FBLN5: variants seen among roughly 807,000 people sequenced by gnomAD.
The protein encoded by FBLN5 is fibulin-5.
A neutral mutation model predicts 61.6 loss-of-function variants in FBLN5; 24 were observed. The ratio of observed to expected loss-of-function variants is 0.39; its 90% CI spans 0.28 to 0.55. The LOEUF (loss-of-function observed/expected upper bound fraction) is 0.55, where lower values mean the gene tolerates loss of function less well. Ranked by LOEUF, FBLN5 falls within the 20% of genes least tolerant of loss-of-function variation. The pLI, the probability that FBLN5 is intolerant of heterozygous loss-of-function variation, is 0.65. For missense variants in FBLN5, 470 were observed against 594.1 expected, an observed-to-expected ratio of 0.79 and a Z score of 2.17; for synonymous variants, 213 against 219.8, an observed-to-expected ratio of 0.97 and a Z score of 0.27.
At chr14:91,880,155 CTCCAGCACCTCAATACTCAACTG>C (rs1474898309) in intron 9 of FBLN5, among the ~76,000 whole-genome samples, 11 of 152,204 alleles carry the variant, frequency 7.2e-5, no homozygotes, top group Non-Finnish European at 8.8e-5. Flanking sequence ...CGAGAGAACT[CTCCAGCACCTCAATACTCAACTG>C]TCCAGCACCT....
At chr14:91,940,423 G>A in intron 3 of FBLN5, 142 bp downstream of exon 3, 1 of 743,732 alleles carries the variant, frequency 1.3e-6, no homozygotes. Context: ...TCAATAAAAG[G>A]GCACCACTGA....
In FBLN5 at chr14:91,880,526, C is replaced by CGTGTGTGT. The variant is rs140201135; in HGVS notation, c.989+758_989+765dup. Among the ~76,000 whole-genome samples the CGTGTGTGT allele has an allele frequency of 1.3e-3, 187 of 147,554 alleles. 1 individual carries two copies. The highest frequency in any genetic ancestry group is 2.5e-3 in the African/African-American group (98 of 39,824). On this transcript the variant is annotated intron_variant, in intron 9 of 10. Transcript: ENST00000342058. ...AGAGAACTCTGTGGGAGTGTGCGTG[C>CGTGTGTGT]GTGTGTGTGTGTGTGTGTGTGTGTG...
At chr14:91,927,780 T>C (rs1026346223) in intron 4 of FBLN5, among the ~76,000 whole-genome samples, 2 of 152,216 alleles carry the variant, frequency 1.3e-5, no homozygotes, top group Non-Finnish European at 2.9e-5. Context: ...AGCTGAATGG[T>C]CCTGCCATTA....
Position 91,882,984 on chromosome 14 carries a change from T to A in FBLN5, c.832A>T (p.Ile278Phe), listed in dbSNP as rs763570306. The A allele has an allele frequency of 6.2e-7, 1 of 1,614,120 alleles. No individual in the cohort carries two copies. Residue 278 changes from isoleucine (I) to phenylalanine (F), a missense_variant, in exon 8 of 11, where the codon ATC becomes TTC. By Grantham distance (21) the Ile-to-Phe change is conservative (BLOSUM62 0). Coordinates refer to ENST00000342058, the MANE Select transcript of FBLN5 (RefSeq NM_006329.4). The surrounding 1 kb of genome is among the most constrained non-coding windows in gnomAD (Gnocchi z 4.9). ...CAGCTTCGGTTGTCATCCAGCAGGA[T>A]GTAGCCTGGAGGGCAGGAGCAGAAG... ...TYFCSCPPGY[I>F]LLDDNRSCQD...
Position 91,877,739 on chromosome 14 carries a change from G to C in FBLN5, c.990-57C>G, listed in dbSNP as rs909543738. 6.2e-5 allele frequency: 85 copies of C among 1,381,484 alleles called. No homozygotes were observed. The African/African-American group carries it at 1.2e-3, about 19-fold the overall frequency. The allele number at this position is 1,381,484 out of a possible 1,614,324, so 85.6% of individuals were successfully genotyped here. On this transcript the variant is annotated intron_variant, in intron 9 of 10. Coordinates refer to ENST00000342058, the MANE Select transcript of FBLN5 (RefSeq NM_006329.4). ...GAAATCCATTCCAGGTGCTGGCTGTGCCTACTTCCTCTCTTAAAACACTGA... is the reference window on the plus strand; with the variant it reads ...GAAATCCATTCCAGGTGCTGGCTGTCCCTACTTCCTCTCTTAAAACACTGA...
chr14:91,929,624 C>A (rs932453596), intron 4 of FBLN5, among the ~76,000 whole-genome samples: 3 of 152,362 alleles, frequency 2.0e-5, no homozygotes, highest in African/African-American at 2.4e-5. Context: ...AAAATCATTT[C>A]TTTCCAGTTT....
At chr14:91,873,595 A>G (rs1265136087) in intron 10 of FBLN5, 1 of 152,424 alleles carries the variant, frequency 6.6e-6, no homozygotes, top group East Asian at 1.9e-4. Context: ...GGGTTCCTCC[A>G]GGGCAGAGAC....
chr14:91,902,149 T>C lies in FBLN5; in HGVS notation c.380-7077A>G, dbSNP rs568818413. On this transcript the variant is annotated intron_variant, in intron 4 of 10. Coordinates refer to ENST00000342058, the MANE Select transcript of FBLN5 (RefSeq NM_006329.4). Reference sequence around the variant, plus strand: ...GCCAAGCCCATTCAACTTTTGCCAGTGTATGGTCCCTGCCACGGGGCCAGG... The same window carrying C: ...GCCAAGCCCATTCAACTTTTGCCAGCGTATGGTCCCTGCCACGGGGCCAGG... Among the ~76,000 whole-genome samples the C allele has an allele frequency of 2.8e-4, 42 of 152,302 alleles. 1 individual carries two copies. The South Asian group carries it at 8.3e-3, about 30-fold the overall frequency.
chr14:91,897,380 G>C (rs909710444), intron 4 of FBLN5, among the ~76,000 whole-genome samples: 9 of 152,202 alleles, frequency 5.9e-5, no homozygotes, highest in African/African-American at 1.9e-4. Flanking sequence ...CTATCGGCTG[G>C]TGCGTATTTA....
intron 3 of FBLN5, among the ~76,000 whole-genome samples, chr14:91,939,664 G>A (rs1335193882): frequency 1.3e-5 from 2 of 152,056 alleles, no homozygotes; most frequent in Non-Finnish European, 2.9e-5. Flanking sequence ...TATTGACCCT[G>A]GACATAAGGT....
intron 4 of FBLN5, among the ~76,000 whole-genome samples, chr14:91,903,123 C>G (rs945581053): frequency 6.6e-6 from 1 of 152,008 alleles, no homozygotes; most frequent in Admixed American, 6.5e-5. Flanking sequence ...AATCAAGCAG[C>G]GATTCTTAAC....
At chr14:91,930,458 C>T (rs540196778) in intron 4 of FBLN5, among the ~76,000 whole-genome samples, 7 of 152,284 alleles carry the variant, frequency 4.6e-5, no homozygotes, top group South Asian at 2.1e-4. Context: ...CACCTCAATG[C>T]GATCCCATTT....
intron 10 of FBLN5, among the ~76,000 whole-genome samples, chr14:91,871,020 A>C (rs1280596534): frequency 1.3e-5 from 2 of 152,118 alleles, no homozygotes; most frequent in African/African-American, 2.4e-5. Context: ...GGGAGGCAGG[A>C]GGAGGGAGGG....
At chr14:91,897,399 C>T (rs1055567655) in intron 4 of FBLN5, among the ~76,000 whole-genome samples, 16 of 152,208 alleles carry the variant, frequency 1.1e-4, no homozygotes, top group African/African-American at 3.6e-4. Flanking sequence ...TACATTTTCC[C>T]AGCAGGGAGT....
At chr14:91,905,440 G>A (rs1204579906) in intron 4 of FBLN5, among the ~76,000 whole-genome samples, 3 of 152,128 alleles carry the variant, frequency 2.0e-5, no homozygotes, top group East Asian at 3.9e-4. Flanking sequence ...AGACACTGAC[G>A]ATGACCTAGG....
chr14:91,905,049 C>T (rs916568275), intron 4 of FBLN5, among the ~76,000 whole-genome samples: 28 of 152,096 alleles, frequency 1.8e-4, no homozygotes, highest in African/African-American at 6.3e-4. Flanking sequence ...TCAAGCTGGC[C>T]GTGAGAATAC....
chr14:91,890,757 T>C (rs1399581454), intron 6 of FBLN5, among the ~76,000 whole-genome samples: 1 of 152,090 alleles, frequency 6.6e-6, no homozygotes, highest in Non-Finnish European at 1.5e-5. Context: ...GAGGGAAAAG[T>C]ATAGCAAGAG....
chr14:91,933,537 G>C (rs947371287), intron 4 of FBLN5, among the ~76,000 whole-genome samples: 1 of 152,032 alleles, frequency 6.6e-6, no homozygotes, highest in African/African-American at 2.4e-5. Context: ...CAAAGTGCTG[G>C]GATTACAGGC....
chr14:91,891,351 T>C lies in FBLN5; in HGVS notation c.503-14A>G. 1 of 1,561,020 alleles carries C rather than the reference T, an allele frequency of 6.4e-7. No individual in the cohort carries two copies. Among genetic ancestry groups the C allele is most frequent in the Non-Finnish European group, 8.8e-7 (1 of 1,131,624 alleles). ...ATTCATCAATGTCTGGAAACAGAAA[T>C]GCAAGCAAAGTGAGACAGGTCTCCT... On this transcript the variant is annotated splice_polypyrimidine_tract_variant and intron_variant, in intron 5 of 10. Transcript: ENST00000342058.
Sources: gnomAD v4.1 joint callset for allele counts (sites outside exome capture counted in the v4.1 genomes callset) on GRCh38, gnomAD v4.1.1 for gene constraint, Gnocchi (gnomAD v3.1) non-coding constraint, MANE v1.5 for transcripts, NCBI Gene and HGNC (gene_info 2026-07-23, HGNC 2026-07-21) for gene names.